The following PALS2 variants were observed in gnomAD, a reference collection of about 807,000 sequenced individuals.
The protein encoded by PALS2 is protein associated with LIN7 2, MAGUK p55 family member, also known as protein PALS2.
Under a neutral mutation model 61.6 loss-of-function variants are expected in PALS2, and 27 were observed. That is an observed-to-expected ratio of 0.44 (90% confidence interval 0.32 to 0.60). The LOEUF (loss-of-function observed/expected upper bound fraction) is 0.60. Among genes scored for constraint, PALS2 ranks in the 20% least tolerant of loss-of-function variants. PALS2 has a pLI of 0.05. For synonymous variants in PALS2, 236 were observed against 218.6 expected (o/e 1.08, Z -0.70); for missense variants, 554 against 639.4 (o/e 0.87, Z 1.44).
chr7:24,590,179 G>A (rs940245189), intron 1 of PALS2, among the ~76,000 whole-genome samples: 30 of 152,266 alleles, frequency 2.0e-4, no homozygotes, highest in African/African-American at 7.2e-4. Flanking sequence ...AAGTCCACTT[G>A]GGAGGAACTG....
chr7:24,677,385 C>T (rs1172830792), intron 9 of PALS2, among the ~76,000 whole-genome samples: 1 of 151,942 alleles, frequency 6.6e-6, no homozygotes, highest in Non-Finnish European at 1.5e-5. Flanking sequence ...CCTAATTGCC[C>T]TGGCCAGAAC....
intron 1 of PALS2, among the ~76,000 whole-genome samples, chr7:24,595,085 T>C (rs1783449650): frequency 6.9e-6 from 1 of 144,090 alleles, no homozygotes. Flanking sequence ...AGGTGAGAGA[T>C]GATGAGAGAG....
intron 2 of PALS2, among the ~76,000 whole-genome samples, chr7:24,631,146 T>C (rs2721786): frequency 0.43 from 65,758 of 152,088 alleles, 17,262 homozygotes; most frequent in East Asian, 0.72. Flanking sequence ...TTTACTATTC[T>C]AGATGCCATT....
Position 24,596,645 on chromosome 7 carries a change from C to A in PALS2, c.-3+23052C>A, listed in dbSNP as rs1167192333. ...TGGGTGAATAAAAATTTACTCAAAG[C>A]AGGACTACTACATTGTGAGAGTAAA... On this transcript the variant is annotated intron_variant, in intron 1 of 11. Coordinates refer to ENST00000222644, the MANE Select transcript of PALS2 (RefSeq NM_001303037.2). This position sits in a 1 kb window ranked among gnomAD's most constrained non-coding sequence, Gnocchi z 4.5. 9.2e-5 allele frequency among the ~76,000 whole-genome samples: 14 copies of A among 152,084 alleles called. No homozygotes were observed. The highest frequency in any genetic ancestry group is 9.2e-4 in the Admixed American group (14 of 15,248).
At chr7:24,598,676 G>A (rs1313159832) in intron 1 of PALS2, among the ~76,000 whole-genome samples, 2 of 152,138 alleles carry the variant, frequency 1.3e-5, no homozygotes, top group Non-Finnish European at 2.9e-5. Flanking sequence ...CTGAAACTGT[G>A]CTAAATAAAT....
chr7:24,647,483 C>G (rs188198926), intron 3 of PALS2, among the ~76,000 whole-genome samples: 1 of 152,090 alleles, frequency 6.6e-6, no homozygotes, highest in African/African-American at 2.4e-5. Context: ...TTTTTTGTGT[C>G]TCAGTTTTCT....
At chr7:24,636,892 A>G (rs1785265482) in intron 2 of PALS2, among the ~76,000 whole-genome samples, 1 of 152,120 alleles carries the variant, frequency 6.6e-6, no homozygotes, top group Non-Finnish European at 1.5e-5. Context: ...TTTTGATGAG[A>G]AATTTAAAAC....
rs1164852927 is a variant in PALS2 at position 24,691,688 on chromosome 7, G to A, written c.*4074G>A. The A allele has an allele frequency of 2.6e-5, 4 of 151,496 alleles. No individual in the cohort carries two copies. The allele number at this position is 151,496 out of a possible 1,614,324, so 9.4% of individuals were successfully genotyped here. A position where few individuals can be genotyped will look rare whatever the true frequency, so the allele number is the denominator to read the frequency against. The stretch of plus-strand genomic sequence containing the variant: ...TATTATAATAAATTTAATTTTCTTA[G>A]GGAAAAAGGGCAGGGTTCTGGATGG... On this transcript the variant is annotated 3_prime_UTR_variant, in exon 12 of 12. Coordinates refer to ENST00000222644, the MANE Select transcript of PALS2 (RefSeq NM_001303037.2).
Position 24,650,687 on chromosome 7 carries a change from A to G in PALS2, c.626A>G (p.Tyr209Cys), listed in dbSNP as rs147644077. 1.3e-6 allele frequency: 2 copies of G among 1,597,966 alleles called. No homozygotes were observed. Among genetic ancestry groups the G allele is most frequent in the Admixed American group, 1.7e-5 (1 of 59,576 alleles). The change falls in exon 5 of 12, where the codon TAT (tyrosine) becomes TGT (cysteine). Residue 209 changes from tyrosine (Y) to cysteine (C), a missense_variant. Physicochemically the swap from Tyr to Cys is radical, Grantham distance 194. Coordinates refer to ENST00000222644, the MANE Select transcript of PALS2 (RefSeq NM_001303037.2). ...GSVTLKILPSYRDTITPQQVF... is the reference protein window; with the variant it reads ...GSVTLKILPSCRDTITPQQVF... ...GTCACCCTAAAAATCTTACCAAGTT[A>G]TAGAGATACCATTACTCCTCAACAG...
chr7:24,602,495 C>A (rs1360585817), intron 1 of PALS2, among the ~76,000 whole-genome samples: 1 of 152,036 alleles, frequency 6.6e-6, no homozygotes, highest in Non-Finnish European at 1.5e-5. Flanking sequence ...CTGTGTCTTT[C>A]TTGTTGACTG....
At chr7:24,578,469 T>C (rs1479888395) in intron 1 of PALS2, among the ~76,000 whole-genome samples, 1 of 152,214 alleles carries the variant, frequency 6.6e-6, no homozygotes, top group Non-Finnish European at 1.5e-5. Flanking sequence ...ATAAAGGGAA[T>C]TTATCGTTCA....
chr7:24,581,345 C>A (rs188965013), intron 1 of PALS2, among the ~76,000 whole-genome samples: 1 of 151,830 alleles, frequency 6.6e-6, no homozygotes, highest in Non-Finnish European at 1.5e-5. Context: ...GCATTTAGTG[C>A]TCTCTGGAAT....
At chr7:24,588,458 C>T (rs889296813) in intron 1 of PALS2, among the ~76,000 whole-genome samples, 2 of 152,022 alleles carry the variant, frequency 1.3e-5, no homozygotes, top group Non-Finnish European at 2.9e-5. Flanking sequence ...AATTGAGGGC[C>T]TCTGATGATG....
intron 11 of PALS2, among the ~76,000 whole-genome samples, chr7:24,682,545 G>A (rs1349548564): frequency 1.3e-5 from 2 of 152,088 alleles, no homozygotes; most frequent in African/African-American, 4.8e-5. Context: ...CAGGAAGCTG[G>A]GGTAATCATA....
chr7:24,649,576 T>C, intron 3 of PALS2, 36 bp from the exon 4 acceptor site: 1 of 1,490,952 alleles, frequency 6.7e-7, no homozygotes, highest in Non-Finnish European at 8.9e-7. Flanking sequence ...CATCCACATA[T>C]CATAAATAAC....
chr7:24,638,078 G>T (rs1785326948), intron 2 of PALS2, among the ~76,000 whole-genome samples: 1 of 151,436 alleles, frequency 6.6e-6, no homozygotes, highest in Non-Finnish European at 1.5e-5. Context: ...ATTTAAGTTG[G>T]TACTTGCCTC....
At chr7:24,669,095 C>T (rs1056634112) in intron 9 of PALS2, among the ~76,000 whole-genome samples, 25 of 152,166 alleles carry the variant, frequency 1.6e-4, no homozygotes, top group Non-Finnish European at 3.2e-4. Flanking sequence ...GCTTGTAGCT[C>T]TCAGTCATGC....
intron 1 of PALS2, among the ~76,000 whole-genome samples, chr7:24,615,672 A>G (rs967787121): frequency 6.6e-6 from 1 of 152,140 alleles, no homozygotes; most frequent in Admixed American, 6.5e-5. Context: ...AACTATTCCA[A>G]AAATTGGAGG....
At chr7:24,627,953 G>A (rs1160761145) in intron 2 of PALS2, among the ~76,000 whole-genome samples, 1 of 152,104 alleles carries the variant, frequency 6.6e-6, no homozygotes, top group Non-Finnish European at 1.5e-5. Context: ...ACAGGAGCTG[G>A]TACCATTCCT....
Sources: allele counts gnomAD v4.1 joint callset (sites outside exome capture counted in the v4.1 genomes callset), GRCh38; gene constraint gnomAD v4.1.1; non-coding constraint Gnocchi (gnomAD v3.1); transcripts MANE v1.5; gene names NCBI Gene and HGNC (gene_info 2026-07-23, HGNC 2026-07-21).